FDX1: variants seen among roughly 807,000 people sequenced by gnomAD.
FDX1 encodes adrenodoxin, mitochondrial.
Under a neutral mutation model 14.9 loss-of-function variants are expected in FDX1, and 9 were observed. That is an observed-to-expected ratio of 0.60 (90% confidence interval 0.36 to 1.05). The LOEUF (loss-of-function observed/expected upper bound fraction) is 1.05, where lower values mean the gene tolerates loss of function less well. Among genes scored for constraint, FDX1 ranks in the 50% least tolerant of loss-of-function variants. FDX1 has a pLI of 0.01. For synonymous variants in FDX1, 92 were observed against 99.4 expected (o/e 0.93, Z 0.44); for missense variants, 204 against 237.2 (o/e 0.86, Z 0.92).
chr11:110,431,473 C>G (rs1174623201), intron 1 of FDX1, among the ~76,000 whole-genome samples: 1 of 152,156 alleles, frequency 6.6e-6, no homozygotes, highest in East Asian at 1.9e-4. Context: ...CTTTTCCCCA[C>G]TAATCCCGTT....
chr11:110,430,129 C>T lies in FDX1; in HGVS notation c.9C>T (p.Ala3=), dbSNP rs577889448. 1.5e-5 allele frequency: 19 copies of T among 1,239,400 alleles called. No individual in the cohort carries two copies. Among genetic ancestry groups the T allele is most frequent in the Non-Finnish European group, 1.7e-5 (17 of 994,662 alleles). The allele number at this position is 1,239,400 out of a possible 1,614,324, so 76.8% of individuals were successfully genotyped here. The change falls in exon 1 of 4, where the codon GCC becomes GCT. Residue 3 remains alanine (A), a synonymous_variant. Coordinates refer to ENST00000260270, the MANE Select transcript of FDX1 (RefSeq NM_004109.5). MA[A]AGGARLLRAA... ...GTTCCCGACCGCGGGCGATGGCTGC[C>T]GCTGGGGGCGCCCGGCTGCTGCGCG... is the stretch of plus-strand genomic sequence containing the variant.
Position 110,462,607 on chromosome 11 carries a change from T to C in FDX1, c.*139T>C. On this transcript the variant is annotated 3_prime_UTR_variant, in exon 4 of 4. Transcript: ENST00000260270. ...ACTATTTTAATTCACCTTGCATAAC[T>C]ACTGAATTTTGTCATTCTTGAAAGT... The C allele has an allele frequency of 2.4e-6, 1 of 414,982 alleles. No homozygotes were observed. Among genetic ancestry groups the C allele is most frequent in the Non-Finnish European group, 4.2e-6 (1 of 236,758 alleles). The allele number at this position is 414,982 out of a possible 1,614,324, so 25.7% of individuals were successfully genotyped here.
upstream of FDX1, chr11:110,429,873 C>T (rs1050829284): frequency 2.2e-5 from 7 of 321,270 alleles, no homozygotes; most frequent in African/African-American, 4.3e-5. Flanking sequence ...CCCATGGGAC[C>T]GGGCGGCGTG....
At chr11:110,436,022 T>TA (rs1946366258) in intron 2 of FDX1, 64 bp downstream of exon 2, 1 of 1,469,214 alleles carries the variant, frequency 6.8e-7, no homozygotes, top group African/African-American at 1.5e-5. Context: ...TTTTATTTTG[T>TA]GGTTTTTTTT....
intron 2 of FDX1, among the ~76,000 whole-genome samples, chr11:110,448,324 C>G (rs1459105248): frequency 6.6e-6 from 1 of 152,168 alleles, no homozygotes; most frequent in Non-Finnish European, 1.5e-5. Flanking sequence ...CTAGATCAAT[C>G]TTTAATCTAG....
Position 110,462,409 on chromosome 11 carries a change from C to G in FDX1, c.496C>G (p.Arg166Gly), listed in dbSNP as rs765122413. ...AAAATCTATGGACAATATGACTGTT[C>G]GAGTGCCTGAAACAGTGGCTGATGC... is the stretch of plus-strand genomic sequence containing the variant. ...LTKSMDNMTV[R>G]VPETVADARQ... is the part of the protein sequence containing the mutation. The change falls in exon 4 of 4, where the codon CGA (arginine) becomes GGA (glycine). Residue 166 changes from arginine (R) to glycine (G), a missense_variant. By Grantham distance (125) the Arg-to-Gly change is moderately radical. Transcript: ENST00000260270. 3 of 1,611,820 alleles carry G rather than the reference C, an allele frequency of 1.9e-6. No individual in the cohort carries two copies. Among genetic ancestry groups the G allele is most frequent in the South Asian group, 2.2e-5 (2 of 90,932 alleles).
intron 2 of FDX1, among the ~76,000 whole-genome samples, chr11:110,452,768 T>C (rs191476524): frequency 1.3e-5 from 2 of 152,336 alleles, no homozygotes; most frequent in African/African-American, 2.4e-5. Context: ...GAGCAAACTA[T>C]AGATACATGC....
rs908315815 is a variant in FDX1, at chr11:110,463,461, T to C, written c.*993T>C. The C allele has an allele frequency of 1.2e-4, 18 of 152,244 alleles. No individual in the cohort carries two copies. The highest frequency in any genetic ancestry group is 3.9e-4 in the African/African-American group (16 of 41,458). 9.4% of individuals were successfully genotyped at this position (152,244 alleles called of 1,614,324 possible). On this transcript the variant is annotated 3_prime_UTR_variant, in exon 4 of 4. Transcript: ENST00000260270. ...TGTGTGGAAGACATTCGTACTCTTA[T>C]CTTTACTATAAATAAATTCATAAAA...
chr11:110,433,880 C>G (rs570157266), intron 1 of FDX1, among the ~76,000 whole-genome samples: 5 of 152,194 alleles, frequency 3.3e-5, no homozygotes, highest in Admixed American at 1.3e-4. Flanking sequence ...TGATAACTTT[C>G]GAGATAGTTA....
intron 2 of FDX1, among the ~76,000 whole-genome samples, chr11:110,444,688 G>GTATATATATATATATACGTA (rs1946432113): frequency 1.2e-4 from 3 of 24,882 alleles, no homozygotes; most frequent in Non-Finnish European, 2.1e-4. Flanking sequence ...ATATATACAC[G>GTATATATATATATATACGTA]TATATATATA....
chr11:110,458,909 T>C (rs766152029), intron 3 of FDX1, among the ~76,000 whole-genome samples: 1 of 152,164 alleles, frequency 6.6e-6, no homozygotes, highest in Non-Finnish European at 1.5e-5. Flanking sequence ...CTGGCTTCAA[T>C]GTTTTATTGG....
At chr11:110,431,728 T>TA (rs1299956643) in intron 1 of FDX1, among the ~76,000 whole-genome samples, 3 of 152,240 alleles carry the variant, frequency 2.0e-5, no homozygotes, top group African/African-American at 4.8e-5. Flanking sequence ...AATTGGGAGT[T>TA]ATCTTTCTCA....
rs71476086 is a variant in FDX1 at position 110,434,334 on chromosome 11, A to ATTTGCTTTTT, written c.186-1497_186-1496insGCTTTTTTTT. 3.6e-3 allele frequency among the ~76,000 whole-genome samples: 460 copies of ATTTGCTTTTT among 126,184 alleles called. 19 individuals carry two copies. Among genetic ancestry groups the ATTTGCTTTTT allele is most frequent in the East Asian group, 0.013 (52 of 4,084 alleles). 82.8% of individuals were successfully genotyped at this position (126,184 alleles called of 152,430 possible). A position where few individuals can be genotyped will look rare whatever the true frequency, so the allele number is the denominator to read the frequency against. On this transcript the variant is annotated intron_variant, in intron 1 of 3. Transcript: ENST00000260270. ...CACTGGAAAAGCAATCGCCCTATTG[A>ATTTGCTTTTT]TTTTTTTTTTTTTTTTTTTGGAGAC...
chr11:110,445,941 C>A (rs1946447260), intron 2 of FDX1, among the ~76,000 whole-genome samples: 3 of 152,104 alleles, frequency 2.0e-5, no homozygotes, highest in Admixed American at 2.0e-4. Context: ...TATCATCACA[C>A]AGAGATAAGC....
At chr11:110,457,156 T>G in intron 3 of FDX1, 109 bp downstream of exon 3, 1 of 938,146 alleles carries the variant, frequency 1.1e-6, no homozygotes. Context: ...TTCTACCAGG[T>G]TAAATAACAG....
At chr11:110,444,670 A>ATATATATATATATACACG (rs1188833097) in intron 2 of FDX1, among the ~76,000 whole-genome samples, 14 of 71,394 alleles carry the variant, frequency 2.0e-4, no homozygotes, top group South Asian at 8.5e-4. Context: ...ATATACGTAT[A>ATATATATATATATACACG]TATATATATA....
At chr11:110,438,600 A>G (rs181331243) in intron 2 of FDX1, among the ~76,000 whole-genome samples, 1 of 151,956 alleles carries the variant, frequency 6.6e-6, no homozygotes, top group East Asian at 1.9e-4. Context: ...AAATTTTTAT[A>G]TTTTTAGTAG....
At chr11:110,458,976 G>A (rs944256493) in intron 3 of FDX1, among the ~76,000 whole-genome samples, 3 of 152,076 alleles carry the variant, frequency 2.0e-5, no homozygotes, top group Non-Finnish European at 4.4e-5. Flanking sequence ...CAGCCTCATT[G>A]TTTTTTTCAT....
At chr11:110,448,817 C>T (rs1378214640) in intron 2 of FDX1, among the ~76,000 whole-genome samples, 2 of 152,140 alleles carry the variant, frequency 1.3e-5, no homozygotes, top group Non-Finnish European at 2.9e-5. Context: ...GAAACCAAAA[C>T]TGTTGTCAGG....
Sources: gnomAD v4.1 joint callset for allele counts (sites outside exome capture counted in the v4.1 genomes callset) on GRCh38, gnomAD v4.1.1 for gene constraint, MANE v1.5 for transcripts, NCBI Gene and HGNC (gene_info 2026-07-23, HGNC 2026-07-21) for gene names.